Variants in SLC35F1 observed in about 807,000 individuals in gnomAD.
SLC35F1 encodes solute carrier family 35 member F1, also known as chromosome 6 open reading frame 169.
In SLC35F1, 14 loss-of-function variants were observed where a neutral mutation model predicts 48.7. The ratio of observed to expected loss-of-function variants is 0.29; its 90% CI spans 0.19 to 0.45. The LOEUF is 0.45. Ranked by LOEUF, SLC35F1 falls within the 20% of genes least tolerant of loss-of-function variation. The pLI is 1.00. For missense variants in SLC35F1, 404 were observed against 500.0 expected (o/e 0.81, Z 1.83); for synonymous variants, 190 against 202.2 (o/e 0.94, Z 0.51).
At chr6:118,095,247 T>C (rs1277390244) in intron 1 of SLC35F1, among the ~76,000 whole-genome samples, 1 of 152,252 alleles carries the variant, frequency 6.6e-6, no homozygotes, top group Non-Finnish European at 1.5e-5. Flanking sequence ...CTGAAGTGGA[T>C]GCAGAACATT....
At chr6:118,123,027 A>G (rs1011521870) in intron 1 of SLC35F1, among the ~76,000 whole-genome samples, 1 of 152,210 alleles carries the variant, frequency 6.6e-6, no homozygotes, top group Non-Finnish European at 1.5e-5. Context: ...GCTGGAAAAG[A>G]AAGATCAGCT....
rs567399151 is a variant in SLC35F1 at position 118,226,237 on chromosome 6, C to T, written c.350-9272C>T. Among the ~76,000 whole-genome samples the T allele has an allele frequency of 1.3e-5, 2 of 152,194 alleles. 1 individual carries two copies. Among genetic ancestry groups the T allele is most frequent in the African/African-American group, 4.8e-5 (2 of 41,524 alleles). ...ATGCTGGTGACGATATGAAGAAAGGCGAATCCTTGTACAGTGTTGGTAGGA... is the reference window on the plus strand; with the variant it reads ...ATGCTGGTGACGATATGAAGAAAGGTGAATCCTTGTACAGTGTTGGTAGGA... On this transcript the variant is annotated intron_variant, in intron 2 of 7. Coordinates refer to ENST00000360388, the MANE Select transcript of SLC35F1 (RefSeq NM_001029858.4).
intron 2 of SLC35F1, among the ~76,000 whole-genome samples, chr6:118,232,103 A>G (rs1167074133): frequency 2.0e-5 from 3 of 152,222 alleles, no homozygotes; most frequent in Non-Finnish European, 2.9e-5. Flanking sequence ...TTATACATTT[A>G]TGTTATTTAT....
chr6:117,961,406 T>C (rs1776496788), intron 1 of SLC35F1, among the ~76,000 whole-genome samples: 1 of 152,180 alleles, frequency 6.6e-6, no homozygotes, highest in Non-Finnish European at 1.5e-5. Flanking sequence ...ACTTGTGAGC[T>C]CTTCCTTCCC....
intron 1 of SLC35F1, among the ~76,000 whole-genome samples, chr6:118,039,048 G>A (rs1772173631): frequency 6.6e-6 from 1 of 152,062 alleles, no homozygotes; most frequent in African/African-American, 2.4e-5. Context: ...TTTATTAACT[G>A]TAATAGATTT....
At chr6:117,909,914 C>T (rs547547635) in intron 1 of SLC35F1, among the ~76,000 whole-genome samples, 2 of 152,098 alleles carry the variant, frequency 1.3e-5, no homozygotes, top group African/African-American at 4.8e-5. Context: ...GGTATACAAC[C>T]GTGAATGGAA....
rs1776411214 is a variant in SLC35F1 at position 118,314,714 on chromosome 6, T to C, written c.*462T>C. 1 of 171,248 alleles carries C rather than the reference T, an allele frequency of 5.8e-6. No homozygotes were observed. Among genetic ancestry groups the C allele is most frequent in the Non-Finnish European group, 1.3e-5 (1 of 77,604 alleles). The allele number at this position is 171,248 out of a possible 1,614,324, so 10.6% of individuals were successfully genotyped here. ...ACTTTATTTTTTTGCACAGACTATA[T>C]GAGTGATGCATGCCACAGGAGCTCC... On this transcript the variant is annotated 3_prime_UTR_variant, in exon 8 of 8. Transcript: ENST00000360388.
intron 1 of SLC35F1, among the ~76,000 whole-genome samples, chr6:118,098,023 T>C (rs1308362781): frequency 6.6e-6 from 1 of 152,186 alleles, no homozygotes; most frequent in Non-Finnish European, 1.5e-5. Context: ...AACAATACTA[T>C]TACTCTTAAA....
At chr6:118,244,208 T>C (rs4946331) in intron 3 of SLC35F1, among the ~76,000 whole-genome samples, 2,093 of 152,368 alleles carry the variant, frequency 0.014, 36 homozygotes, top group African/African-American at 0.036. Context: ...GCATTCTCCA[T>C]GACTGCCTAC....
chr6:117,935,103 A>G (rs1044296788), intron 1 of SLC35F1, among the ~76,000 whole-genome samples: 5 of 152,154 alleles, frequency 3.3e-5, no homozygotes, highest in Non-Finnish European at 7.4e-5. Context: ...GCAAAACTCC[A>G]TCTCAATAAA....
chr6:117,958,245 T>G (rs772562235), intron 1 of SLC35F1, among the ~76,000 whole-genome samples: 4 of 152,188 alleles, frequency 2.6e-5, no homozygotes, highest in Non-Finnish European at 5.9e-5. Context: ...ATTTGTGTTT[T>G]AAACTGTTAT....
At chr6:117,967,675 A>G (rs961990430) in intron 1 of SLC35F1, among the ~76,000 whole-genome samples, 3 of 152,198 alleles carry the variant, frequency 2.0e-5, no homozygotes, top group African/African-American at 4.8e-5. Context: ...TAAATAAGCC[A>G]TTGAGAGCAA....
At chr6:118,297,618 G>A (rs1026497898) in intron 7 of SLC35F1, among the ~76,000 whole-genome samples, 2 of 97,174 alleles carry the variant, frequency 2.1e-5, no homozygotes, top group African/African-American at 9.3e-5. Flanking sequence ...TTTTTTCTCA[G>A]AACTTATATA....
chr6:118,169,718 T>G (rs1480459876), intron 2 of SLC35F1, among the ~76,000 whole-genome samples: 1 of 152,102 alleles, frequency 6.6e-6, no homozygotes, highest in Admixed American at 6.6e-5. Context: ...TGGATGACCA[T>G]GTAAACCTTT....
chr6:118,207,612 G>A (rs1774952450), intron 2 of SLC35F1, among the ~76,000 whole-genome samples: 1 of 152,146 alleles, frequency 6.6e-6, no homozygotes, highest in Admixed American at 6.5e-5. Flanking sequence ...AGAGAAGTGT[G>A]GAGTTCAGAA....
At chr6:118,235,011 G>A (rs889377432) in intron 2 of SLC35F1, among the ~76,000 whole-genome samples, 3 of 152,136 alleles carry the variant, frequency 2.0e-5, no homozygotes, top group African/African-American at 7.2e-5. Context: ...CAAACCACTA[G>A]AGTGCATGCA....
chr6:118,149,027 G>T (rs1468007988), intron 1 of SLC35F1, among the ~76,000 whole-genome samples: 1 of 152,162 alleles, frequency 6.6e-6, no homozygotes, highest in Non-Finnish European at 1.5e-5. Context: ...TTCATCCTGT[G>T]TTTATTGAGC....
chr6:118,101,234 G>A (rs1409026992), intron 1 of SLC35F1, among the ~76,000 whole-genome samples: 1 of 152,154 alleles, frequency 6.6e-6, no homozygotes, highest in African/African-American at 2.4e-5. Context: ...TTAGGAGGAA[G>A]CTAGAGAGCT....
At chr6:118,158,745 A>T (rs937974224) in intron 2 of SLC35F1, among the ~76,000 whole-genome samples, 1 of 152,334 alleles carries the variant, frequency 6.6e-6, no homozygotes, top group East Asian at 1.9e-4. Context: ...AGCAGGCTCC[A>T]CTGTAAGTTC....
Sources: gnomAD v4.1 joint callset for allele counts (sites outside exome capture counted in the v4.1 genomes callset) on GRCh38, gnomAD v4.1.1 for gene constraint, MANE v1.5 for transcripts, NCBI Gene and HGNC (gene_info 2026-07-23, HGNC 2026-07-21) for gene names.